The following NBPF19 variants were observed in gnomAD, a reference collection of about 807,000 sequenced individuals.
The protein encoded by NBPF19 is NBPF member 19, also known as NBPF family member NBPF19.
NBPF19 carries 30 observed loss-of-function variants against 45.9 expected under a neutral mutation model. The ratio of observed to expected loss-of-function variants is 0.65; its 90% CI spans 0.49 to 0.89. The LOEUF is 0.89. Among genes scored for constraint, NBPF19 ranks in the 40% least tolerant of loss-of-function variants. The pLI is 0.00. For synonymous variants in NBPF19, 183 were observed against 181.2 expected, an observed-to-expected ratio of 1.01 and a Z score of -0.08; for missense variants, 495 against 471.8, an observed-to-expected ratio of 1.05 and a Z score of -0.46.
At position 149,488,043 on chromosome 1, in the gene NBPF19, GC is replaced by G. The variant is rs1436706442; in HGVS notation, c.1073del (p.Pro358LeufsTer21). 2 of 686,552 alleles carry G rather than the reference GC, an allele frequency of 2.9e-6. No individual in the cohort carries two copies. The highest frequency in any genetic ancestry group is 1.9e-5 in the African/African-American group (1 of 52,226). The allele number at this position is 686,552 out of a possible 1,614,324, so 42.5% of individuals were successfully genotyped here. A position where few individuals can be genotyped will look rare whatever the true frequency, so the allele number is the denominator to read the frequency against. On this transcript the variant is annotated frameshift_variant, in exon 10 of 94. Coordinates refer to ENST00000651566, the MANE Select transcript of NBPF19 (RefSeq NM_001351365.2). LOFTEE classifies it high-confidence loss of function. The stretch of plus-strand genomic sequence containing the variant: ...GCAGGGAGCTGCTGGATGAGAAAGG[GC>G]CTGAAGTCTTGCAGGACTCACTGGA... ...LSRELLDEKG[P>X]EVLQDSLDRC...
At chr1:149,487,300 A>G (rs2101607492) in intron 8 of NBPF19, 32 bp from the exon 9 acceptor site, 2 of 1,523,168 alleles carry the variant, frequency 1.3e-6, no homozygotes, top group Admixed American at 1.7e-5. Context: ...GAAGAACTTA[A>G]TGTAAGAGGG....
In NBPF19 at chr1:149,487,370, G is replaced by A. The variant is rs1269320678; in HGVS notation, c.1027G>A (p.Ala343Thr). The A allele has an allele frequency of 1.9e-6, 3 of 1,549,500 alleles. 1 individual carries two copies. Among genetic ancestry groups the A allele is most frequent in the African/African-American group, 2.7e-5 (2 of 73,486 alleles). The change falls in exon 9 of 94, where the codon GCA becomes ACA. Residue 343 changes from alanine to threonine, a missense_variant. This residue lies in a region of NBPF19 where 146 missense variants were observed against 67.3 expected (regional missense o/e 2.17). Transcript: ENST00000651566. ...WDQVKKEDQEATGPRLSRELL... is the reference protein window; with the variant it reads ...WDQVKKEDQETTGPRLSRELL... ...TCAAGTGAAAAAGGAGGACCAAGAG[G>A]CAACAGGTCCCAGGTGAGTCTGAGA...
rs1444881969 is a variant in NBPF19, at chr1:149,554,421, C to G, written c.11289-74C>G. The G allele has an allele frequency of 9.3e-6, 15 of 1,607,082 alleles. 1 individual carries two copies. Among genetic ancestry groups the G allele is most frequent in the Non-Finnish European group, 1.2e-5 (14 of 1,176,366 alleles). ...CTTTTCTAACCACTTCCTTATGTGA[C>G]TTCTGAAATCTAGTGGGGCTCTGTG... On this transcript the variant is annotated intron_variant, in intron 93 of 93. Coordinates refer to ENST00000651566, the MANE Select transcript of NBPF19 (RefSeq NM_001351365.2).
chr1:149,521,080 G>C (rs2086708230), intron 51 of NBPF19, among the ~76,000 whole-genome samples: 2 of 77,646 alleles, frequency 2.6e-5, no homozygotes, highest in East Asian at 3.8e-4. Context: ...CTCTGTCTCT[G>C]TCTCTGTCTC....
intron 3 of NBPF19, 58 bp from the exon 4 acceptor site, chr1:149,478,822 T>C (rs2085002836): frequency 2.4e-5 from 33 of 1,392,940 alleles, no homozygotes; most frequent in Non-Finnish European, 3.3e-5. Context: ...TGTTGCAATA[T>C]TTGAACGGAT....
Position 149,540,447 on chromosome 1 carries a change from GTGTTGGCTTGGC to G in NBPF19, c.9245_9256del (p.Gly3082_Val3085del). The G allele has an allele frequency of 5.3e-4, 14 of 26,442 alleles. No homozygotes were observed. The highest frequency in any genetic ancestry group is 7.7e-4 in the Non-Finnish European group (13 of 16,954). 1.6% of individuals were successfully genotyped at this position (26,442 alleles called of 1,614,324 possible). ...GCCTTTTACATATTGGAGCAACAGT[GTGTTGGCTTGGC>G]TGTTGACATGGATGGTGAGTACCTT... On this transcript the variant is annotated inframe_deletion, in exon 76 of 94. Coordinates refer to ENST00000651566, the MANE Select transcript of NBPF19 (RefSeq NM_001351365.2).
rs2084770043 is a variant in NBPF19, at chr1:149,475,530, C to T, written c.-301C>T. On this transcript the variant is annotated 5_prime_UTR_variant, in exon 1 of 94. Transcript: ENST00000651566. ...GGAATGATCCCCATTGGTGGTGACCCTCAGGTGAAAGTAGGGTGCCTGTGT... is the reference window on the plus strand; with the variant it reads ...GGAATGATCCCCATTGGTGGTGACCTTCAGGTGAAAGTAGGGTGCCTGTGT... The T allele has an allele frequency of 2.6e-6, 2 of 778,194 alleles. No homozygotes were observed. The highest frequency in any genetic ancestry group is 1.7e-5 in the South Asian group (1 of 57,820). The allele number at this position is 778,194 out of a possible 1,614,324, so 48.2% of individuals were successfully genotyped here. A position where few individuals can be genotyped will look rare whatever the true frequency, so the allele number is the denominator to read the frequency against.
At chr1:149,479,364 A>T (rs1243531596) in intron 4 of NBPF19, among the ~76,000 whole-genome samples, 1 of 149,200 alleles carries the variant, frequency 6.7e-6, no homozygotes, top group Non-Finnish European at 1.5e-5. Flanking sequence ...GACAGGAAGG[A>T]GGCTGTGATG....
Position 149,480,233 on chromosome 1 carries a change from G to A in NBPF19, c.566+19G>A. 1.5e-6 allele frequency: 1 copy of A among 661,550 alleles called. No individual in the cohort carries two copies. The allele number at this position is 661,550 out of a possible 1,614,324, so 41.0% of individuals were successfully genotyped here. ...CCCCCAGGTAACACTGAATACTCAG[G>A]AACAATTAATGGATGGTAACATATG... On this transcript the variant is annotated intron_variant, in intron 5 of 93. Transcript: ENST00000651566.
intron 9 of NBPF19, 115 bp downstream of exon 9, chr1:149,487,498 T>A (rs2085616010): frequency 6.1e-6 from 6 of 990,996 alleles, no homozygotes; most frequent in African/African-American, 3.2e-5. Context: ...CAAGTCTGAA[T>A]TATGCCTAAT....
Position 149,554,721 on chromosome 1 carries a change from G to T in NBPF19, c.11515G>T (p.Val3839Phe), listed in dbSNP as rs1361113752. The T allele has an allele frequency of 3.1e-6, 5 of 1,608,196 alleles. No individual in the cohort carries two copies. The highest frequency in any genetic ancestry group is 1.1e-5 in the South Asian group (1 of 90,884). The change falls in exon 94 of 94, where the codon GTC becomes TTC. Residue 3839 changes from valine to phenylalanine, a missense_variant. By Grantham distance (50) the Val-to-Phe change is conservative. Transcript: ENST00000651566. The stretch of plus-strand genomic sequence containing the variant: ...TCTCCATCTGGTGTTCCAGATGTTA[G>T]TCATATTCCCACAATAGGCAGCCCT... ...TSLHLVFQML[V>F]IFPQ
chr1:149,554,385 C>G (rs1439584997), intron 93 of NBPF19, 110 bp from the exon 94 acceptor site: 14 of 1,597,492 alleles, frequency 8.8e-6, no homozygotes, highest in South Asian at 4.5e-5. Flanking sequence ...ATTAATGGAT[C>G]TATCCTTTTT....
Position 149,478,196 on chromosome 1 carries a change from G to A in NBPF19, c.278+149G>A, listed in dbSNP as rs2084959858. ...GCTCATGACACACAAATATTTATCA[G>A]TGAACAAGGATAATAATAAGTTCTG... On this transcript the variant is annotated intron_variant, in intron 3 of 93. Transcript: ENST00000651566. The A allele has an allele frequency of 5.5e-6, 4 of 722,690 alleles. 1 individual carries two copies. The highest frequency in any genetic ancestry group is 1.8e-5 in the African/African-American group (1 of 56,844). 44.8% of individuals were successfully genotyped at this position (722,690 alleles called of 1,614,324 possible). A position where few individuals can be genotyped will look rare whatever the true frequency, so the allele number is the denominator to read the frequency against.
At position 149,487,246 on chromosome 1, in the gene NBPF19, G is replaced by A. The variant is rs1461144416; in HGVS notation, c.989-86G>A. The A allele has an allele frequency of 3.4e-6, 3 of 888,500 alleles. No homozygotes were observed. The East Asian group carries it at 7.2e-5, about 21-fold the overall frequency. The allele number at this position is 888,500 out of a possible 1,614,324, so 55.0% of individuals were successfully genotyped here. A position where few individuals can be genotyped will look rare whatever the true frequency, so the allele number is the denominator to read the frequency against. Reference sequence around the variant, plus strand: ...CTGTTCTCACACTGACAAGACTGATGTCCCTGTGTTAGGATTGGACAGAGG... The same window carrying A: ...CTGTTCTCACACTGACAAGACTGATATCCCTGTGTTAGGATTGGACAGAGG... On this transcript the variant is annotated intron_variant, in intron 8 of 93. Transcript: ENST00000651566.
rs1366970849 is a variant in NBPF19, at chr1:149,554,989, A to T, written c.*251A>T. 1.1e-5 allele frequency: 7 copies of T among 662,742 alleles called. No individual in the cohort carries two copies. Among genetic ancestry groups the T allele is most frequent in the Non-Finnish European group, 1.7e-5 (7 of 409,792 alleles). 41.1% of individuals were successfully genotyped at this position (662,742 alleles called of 1,614,324 possible). A position where few individuals can be genotyped will look rare whatever the true frequency, so the allele number is the denominator to read the frequency against. On this transcript the variant is annotated 3_prime_UTR_variant, in exon 94 of 94. Coordinates refer to ENST00000651566, the MANE Select transcript of NBPF19 (RefSeq NM_001351365.2). ...CGGGAGTGATCAGTCGGACATTTTA[A>T]TTTGAACCACGTATCTTTGGGTAGC...
chr1:149,486,590 G>A (rs1459952453), intron 8 of NBPF19, among the ~76,000 whole-genome samples: 5 of 151,444 alleles, frequency 3.3e-5, no homozygotes, highest in South Asian at 4.2e-4. Context: ...TGTAGCACAT[G>A]CCCAGGAGTT....
intron 8 of NBPF19, 127 bp downstream of exon 8, chr1:149,486,420 A>G (rs1476638731): frequency 8.8e-6 from 6 of 679,866 alleles, no homozygotes; most frequent in African/African-American, 7.3e-5. Context: ...CTATATATCA[A>G]TGTAGATTTC....
At position 149,556,290 on chromosome 1, in the gene NBPF19, G is replaced by T. The variant is rs1357051468; in HGVS notation, c.*1552G>T. 9.4e-5 allele frequency: 14 copies of T among 149,056 alleles called. No homozygotes were observed. Among genetic ancestry groups the T allele is most frequent in the Admixed American group, 9.4e-4 (14 of 14,958 alleles). The allele number at this position is 149,056 out of a possible 1,614,324, so 9.2% of individuals were successfully genotyped here. On this transcript the variant is annotated 3_prime_UTR_variant, in exon 94 of 94. Coordinates refer to ENST00000651566, the MANE Select transcript of NBPF19 (RefSeq NM_001351365.2). The stretch of plus-strand genomic sequence containing the variant: ...TTTTGGATTGTTTTTTACATTCAGT[G>T]TTATAATATTTGATTATGCTGATTG...
intron 8 of NBPF19, among the ~76,000 whole-genome samples, chr1:149,486,804 C>T (rs1261687578): frequency 6.6e-6 from 1 of 150,704 alleles, no homozygotes; most frequent in East Asian, 1.9e-4. Flanking sequence ...CTTGTTTTAG[C>T]TCATCTGTCC....
Sources: allele counts gnomAD v4.1 joint callset (sites outside exome capture counted in the v4.1 genomes callset), GRCh38; gene constraint gnomAD v4.1.1; regional missense constraint gnomAD v4.1.1; transcripts MANE v1.5; gene names NCBI Gene and HGNC (gene_info 2026-07-23, HGNC 2026-07-21).